Variants in DLG2 observed in about 807,000 individuals in gnomAD.
DLG2 encodes the protein discs large MAGUK scaffold protein 2, also known as disks large homolog 2.
Under a neutral mutation model 132.5 loss-of-function variants are expected in DLG2, and 45 were observed. That is an observed-to-expected ratio of 0.34 (90% CI 0.27 to 0.44). The LOEUF (loss-of-function observed/expected upper bound fraction) is 0.44. Among genes scored for constraint, DLG2 ranks in the 20% least tolerant of loss-of-function variants. The probability of loss-of-function intolerance (pLI) is 1.00; values close to 1 mark genes in which losing one functional copy is unlikely to be tolerated. For missense variants in DLG2, 1,045 were observed against 1,196.9 expected (o/e 0.87, Z 1.87); for synonymous variants, 424 against 419.6 (o/e 1.01, Z -0.13).
intron 7 of DLG2, among the ~76,000 whole-genome samples, chr11:84,332,882 C>CT (rs2098467395): frequency 6.6e-6 from 1 of 152,210 alleles, no homozygotes; most frequent in South Asian, 2.1e-4. Flanking sequence ...GGCAGCCCCC[C>CT]TTTCAGTTCC....
chr11:84,962,810 C>A (rs143358578), intron 6 of DLG2, among the ~76,000 whole-genome samples: 2 of 152,326 alleles, frequency 1.3e-5, no homozygotes, highest in Admixed American at 1.3e-4. Flanking sequence ...AAAGATACTT[C>A]TATTTCTTTC....
At chr11:83,784,625 A>G (rs2094965019) in intron 18 of DLG2, among the ~76,000 whole-genome samples, 1 of 152,256 alleles carries the variant, frequency 6.6e-6, no homozygotes, top group Non-Finnish European at 1.5e-5. Flanking sequence ...AAACTACAGC[A>G]TAGTAACCAA....
chr11:83,995,346 A>T (rs1199720309), intron 11 of DLG2, among the ~76,000 whole-genome samples: 3 of 152,160 alleles, frequency 2.0e-5, no homozygotes, highest in Admixed American at 6.6e-5. Flanking sequence ...CACATGTAGA[A>T]ATAGAGGCTC....
intron 7 of DLG2, among the ~76,000 whole-genome samples, chr11:84,313,669 G>GAAAGAAAGAAAGAA (rs1555500640): frequency 1.4e-4 from 21 of 150,994 alleles, no homozygotes; most frequent in Non-Finnish European, 3.1e-4. Context: ...AAGAAAGAAA[G>GAAAGAAAGAAAGAA]AAAGAAAGAA....
At chr11:83,988,638 GTACTCT>G (rs2093503498) in intron 11 of DLG2, among the ~76,000 whole-genome samples, 1 of 152,156 alleles carries the variant, frequency 6.6e-6, no homozygotes, top group East Asian at 1.9e-4. Context: ...CTTGTTAGCT[GTACTCT>G]TACAGCCTTG....
chr11:85,183,051 T>C (rs936756586), intron 4 of DLG2, among the ~76,000 whole-genome samples: 1 of 151,746 alleles, frequency 6.6e-6, no homozygotes, highest in Non-Finnish European at 1.5e-5. Context: ...CACTTGTTTC[T>C]TCATTCTGGA....
intron 7 of DLG2, among the ~76,000 whole-genome samples, chr11:84,466,730 T>C (rs2099095419): frequency 6.6e-6 from 1 of 151,336 alleles, no homozygotes; most frequent in African/African-American, 2.4e-5. Flanking sequence ...CTAACAAAAG[T>C]ACATATGACT....
At chr11:83,958,042 T>G (rs74793286) in intron 14 of DLG2, among the ~76,000 whole-genome samples, 5,274 of 152,276 alleles carry the variant, frequency 0.035, 339 homozygotes, top group African/African-American at 0.12. Flanking sequence ...TTCAATATAC[T>G]AAAATGTAAA....
intron 18 of DLG2, among the ~76,000 whole-genome samples, chr11:83,717,011 T>C (rs1347382126): frequency 2.0e-5 from 3 of 152,234 alleles, no homozygotes; most frequent in African/African-American, 4.8e-5. Context: ...TACTGAAATC[T>C]CAGTTTTAAA....
intron 19 of DLG2, among the ~76,000 whole-genome samples, chr11:83,593,708 C>T (rs1012635019): frequency 1.3e-5 from 2 of 149,004 alleles, no homozygotes; most frequent in Middle Eastern, 3.4e-3. Flanking sequence ...GATCATTTCT[C>T]TCTATAAAAA....
intron 3 of DLG2, among the ~76,000 whole-genome samples, chr11:85,334,014 T>C (rs887759744): frequency 2.0e-5 from 3 of 152,180 alleles, no homozygotes; most frequent in Non-Finnish European, 4.4e-5. Flanking sequence ...TTGTACCAGC[T>C]CTGCTTTATA....
At chr11:85,409,170 T>C (rs1249786054) in intron 3 of DLG2, among the ~76,000 whole-genome samples, 3 of 151,934 alleles carry the variant, frequency 2.0e-5, no homozygotes, top group East Asian at 1.9e-4. Flanking sequence ...TGAATATAGA[T>C]ACTAAGTCAA....
chr11:84,022,647 C>T (rs1450226191), intron 11 of DLG2, among the ~76,000 whole-genome samples: 1 of 152,082 alleles, frequency 6.6e-6, no homozygotes, highest in East Asian at 1.9e-4. Context: ...AAAAGCATAT[C>T]TTTTAATACT....
At chr11:84,190,241 A>G (rs2096379807) in intron 8 of DLG2, among the ~76,000 whole-genome samples, 1 of 152,174 alleles carries the variant, frequency 6.6e-6, no homozygotes, top group African/African-American at 2.4e-5. Flanking sequence ...ATTCCAGATA[A>G]GTGGCTCAGC....
At chr11:84,180,493 AT>A (rs1287312484) in intron 8 of DLG2, among the ~76,000 whole-genome samples, 1 of 152,120 alleles carries the variant, frequency 6.6e-6, no homozygotes, top group East Asian at 1.9e-4. Context: ...TTTCACCCAA[AT>A]TAATGTCAGA....
At position 84,685,776 on chromosome 11, in the gene DLG2, G is replaced by A. The variant is rs187284094; in HGVS notation, c.358-151045C>T. Among the ~76,000 whole-genome samples, 7 of 152,196 alleles carry A rather than the reference G, an allele frequency of 4.6e-5. No individual in the cohort carries two copies. In the East Asian group the frequency reaches 1.4e-3, roughly 30 times the overall value. On this transcript the variant is annotated intron_variant, in intron 6 of 27. Coordinates refer to ENST00000376104, the MANE Select transcript of DLG2 (RefSeq NM_001142699.3). The stretch of plus-strand genomic sequence containing the variant: ...GCTGGAGTGCAGTGGCGCGATCTCG[G>A]CTCACTGCAAGCTCCGCCCCCTGGG...
chr11:84,994,663 G>T (rs761217766), intron 6 of DLG2, among the ~76,000 whole-genome samples: 2 of 152,138 alleles, frequency 1.3e-5, no homozygotes, highest in Admixed American at 6.5e-5. Context: ...TTGTGTTTTG[G>T]GGGGAGATTA....
chr11:83,611,148 C>T (rs2060055227), intron 19 of DLG2, among the ~76,000 whole-genome samples: 1 of 152,114 alleles, frequency 6.6e-6, no homozygotes, highest in African/African-American at 2.4e-5. Flanking sequence ...TGGAGTGAAT[C>T]ACAGTTTTGG....
intron 9 of DLG2, among the ~76,000 whole-genome samples, chr11:84,127,356 T>G (rs551182553): frequency 6.6e-6 from 1 of 152,312 alleles, no homozygotes; most frequent in African/African-American, 2.4e-5. Flanking sequence ...TAGCTCCGAA[T>G]TAACCTTTCT....
Sources: gnomAD v4.1 joint callset for allele counts (sites outside exome capture counted in the v4.1 genomes callset) on GRCh38, gnomAD v4.1.1 for gene constraint, MANE v1.5 for transcripts, NCBI Gene and HGNC (gene_info 2026-07-23, HGNC 2026-07-21) for gene names.